SOX5: variants seen among roughly 807,000 people sequenced by gnomAD.
SOX5 encodes transcription factor SOX-5.
SOX5 carries 9 observed loss-of-function variants against 92.0 expected under a neutral mutation model. The observed-to-expected ratio is 0.10, with a 90% CI of 0.06 to 0.17. The LOEUF is 0.17. Ranked by LOEUF, SOX5 falls within the 10% of genes least tolerant of loss-of-function variation. The probability of loss-of-function intolerance (pLI) is 1.00; values close to 1 mark genes in which losing one functional copy is unlikely to be tolerated. For synonymous variants in SOX5, 344 were observed against 336.3 expected (o/e 1.02, Z -0.25); for missense variants, 642 against 944.5 (o/e 0.68, Z 4.20).
intron 3 of SOX5, among the ~76,000 whole-genome samples, chr12:23,796,970 G>T (rs1370420515): frequency 1.3e-5 from 2 of 148,380 alleles, no homozygotes; most frequent in African/African-American, 4.9e-5. Flanking sequence ...TGCACAGTAG[G>T]TATTTTTATT....
intron 3 of SOX5, among the ~76,000 whole-genome samples, chr12:23,843,399 G>A (rs1800863765): frequency 6.6e-6 from 1 of 151,952 alleles, no homozygotes; most frequent in African/African-American, 2.4e-5. Flanking sequence ...GTTAATAAGA[G>A]AGGAGACTGT....
intron 1 of SOX5, among the ~76,000 whole-genome samples, chr12:23,896,994 T>C (rs374096209): frequency 1.3e-4 from 20 of 152,088 alleles, no homozygotes; most frequent in African/African-American, 4.8e-4. Flanking sequence ...AAATAGAAAA[T>C]TCCTTTTCCT....
At chr12:24,387,625 C>T (rs1402434984) in intron 1 of SOX5, among the ~76,000 whole-genome samples, 1 of 152,142 alleles carries the variant, frequency 6.6e-6, no homozygotes, top group Non-Finnish European at 1.5e-5. Context: ...ACAAGCTTCT[C>T]TGACATCTTT....
At chr12:24,046,010 G>A (rs761694866) in intron 4 of SOX5, among the ~76,000 whole-genome samples, 7 of 152,176 alleles carry the variant, frequency 4.6e-5, no homozygotes, top group Admixed American at 1.3e-4. Flanking sequence ...CAGTTGCGCG[G>A]TTTGCCCCCT....
chr12:23,781,099 C>T (rs776509797), intron 3 of SOX5, among the ~76,000 whole-genome samples: 5 of 151,934 alleles, frequency 3.3e-5, no homozygotes, highest in Non-Finnish European at 7.4e-5. Context: ...TCATCCCAGA[C>T]GGTTAAATGT....
At chr12:23,896,189 C>T (rs1323510993) in intron 1 of SOX5, among the ~76,000 whole-genome samples, 165 bp from the exon 2 acceptor site, 1 of 152,108 alleles carries the variant, frequency 6.6e-6, no homozygotes, top group African/African-American at 2.4e-5. Flanking sequence ...GAAACAATGG[C>T]CAAGCAGGTA....
chr12:24,367,987 C>G (rs551379120), intron 2 of SOX5: 2 of 152,088 alleles, frequency 1.3e-5, no homozygotes, highest in African/African-American at 4.8e-5. Context: ...TGCATGGTTA[C>G]TGTAAGAAAA....
At chr12:24,077,820 G>T (rs1299882023) in intron 4 of SOX5, among the ~76,000 whole-genome samples, 1 of 136,614 alleles carries the variant, frequency 7.3e-6, no homozygotes, top group Non-Finnish European at 1.6e-5. Context: ...GCTAAGTGAA[G>T]ACAAATCTCA....
intron 6 of SOX5, among the ~76,000 whole-genome samples, chr12:23,700,360 C>G (rs1036714626): frequency 1.1e-4 from 16 of 152,082 alleles, no homozygotes. Flanking sequence ...CTTACAGTGT[C>G]GTAGTCTGTG....
intron 7 of SOX5, among the ~76,000 whole-genome samples, chr12:23,663,069 G>A (rs991955884): frequency 2.6e-5 from 4 of 152,128 alleles, no homozygotes; most frequent in Non-Finnish European, 5.9e-5. Context: ...TTCCTGAAAT[G>A]TGACTAGGGA....
chr12:24,183,861 T>C (rs1258113557), intron 4 of SOX5, among the ~76,000 whole-genome samples: 1 of 152,192 alleles, frequency 6.6e-6, no homozygotes, highest in Non-Finnish European at 1.5e-5. Context: ...TGAGTTTTCT[T>C]ATCTACAAAC....
intron 1 of SOX5, among the ~76,000 whole-genome samples, chr12:23,924,836 G>T (rs1184020753): frequency 1.3e-5 from 2 of 151,784 alleles, no homozygotes; most frequent in African/African-American, 4.8e-5. Flanking sequence ...AAAAAAGTTT[G>T]GTTAAGCTCA....
At chr12:24,476,684 C>T (rs1243424847) in intron 1 of SOX5, among the ~76,000 whole-genome samples, 2 of 151,954 alleles carry the variant, frequency 1.3e-5, no homozygotes, top group African/African-American at 2.4e-5. Flanking sequence ...CTGCATTTGT[C>T]GATATGTGTT....
chr12:24,340,196 CG>C (rs1350414318), intron 2 of SOX5, among the ~76,000 whole-genome samples: 4 of 152,340 alleles, frequency 2.6e-5, no homozygotes, highest in South Asian at 4.1e-4. Flanking sequence ...AACATACAAA[CG>C]TTTTTTTCTG....
chr12:24,398,365 G>A (rs1442088589), intron 1 of SOX5, among the ~76,000 whole-genome samples: 1 of 152,072 alleles, frequency 6.6e-6, no homozygotes, highest in Non-Finnish European at 1.5e-5. Context: ...CAATTAACCA[G>A]GTGTGGTGTG....
At chr12:23,679,863 T>C (rs7977715) in intron 6 of SOX5, among the ~76,000 whole-genome samples, 110,764 of 152,010 alleles carry the variant, frequency 0.73, 40,798 homozygotes, top group East Asian at 0.91. Context: ...CAGATTTAGA[T>C]ACCCAAAGAT....
chr12:23,870,992 A>G (rs1276311422), intron 2 of SOX5, among the ~76,000 whole-genome samples: 8 of 152,128 alleles, frequency 5.3e-5, no homozygotes, highest in Admixed American at 5.2e-4. Flanking sequence ...AGCTATTTCA[A>G]TGTAACAGAA....
intron 11 of SOX5, among the ~76,000 whole-genome samples, chr12:23,549,074 G>A (rs895341552): frequency 6.6e-6 from 1 of 151,760 alleles, no homozygotes; most frequent in African/African-American, 2.4e-5. Flanking sequence ...CTGTTCTGTG[G>A]GTTAAATATT....
chr12:23,554,177 A>G (rs753605512), intron 11 of SOX5, among the ~76,000 whole-genome samples: 3 of 152,122 alleles, frequency 2.0e-5, no homozygotes, highest in Non-Finnish European at 4.4e-5. Context: ...GCTAGGAGAA[A>G]CAAAGTAACT....
Sources: gnomAD v4.1 joint callset for allele counts (sites outside exome capture counted in the v4.1 genomes callset) on GRCh38, gnomAD v4.1.1 for gene constraint, MANE v1.5 for transcripts, NCBI Gene and HGNC (gene_info 2026-07-23, HGNC 2026-07-21) for gene names.